The following SNRPA variants were observed in gnomAD, a reference collection of about 807,000 sequenced individuals.
SNRPA encodes U1 small nuclear ribonucleoprotein A.
Under a neutral mutation model 24.5 loss-of-function variants are expected in SNRPA, and 10 were observed. The observed-to-expected ratio is 0.41, with a 90% CI of 0.25 to 0.69. The LOEUF (loss-of-function observed/expected upper bound fraction) is 0.69, where lower values mean the gene tolerates loss of function less well. SNRPA is among the 30% of genes least tolerant of loss of function. The probability of loss-of-function intolerance (pLI) is 0.33; values close to 1 mark genes in which losing one functional copy is unlikely to be tolerated. For missense variants in SNRPA, 283 were observed against 394.7 expected (o/e 0.72, Z 2.40); for synonymous variants, 165 against 148.4 (o/e 1.11, Z -0.81).
Position 40,765,278 on chromosome 19 carries a change from TGTGA to T in SNRPA, c.*119_*122del, listed in dbSNP as rs577261696. On this transcript the variant is annotated 3_prime_UTR_variant, in exon 6 of 6. Transcript: ENST00000243563. ...CCTTGGGGGCCTTCTTGGAGCCGTG[TGTGA>T]GTGAGTGGTCGCCACACAGCATTGT... The T allele has an allele frequency of 7.7e-4, 462 of 601,924 alleles. 2 individuals are homozygous for T. In the African/African-American group the frequency reaches 8.5e-3, roughly 11 times the overall value. 37.3% of individuals were successfully genotyped at this position (601,924 alleles called of 1,614,324 possible). A position where few individuals can be genotyped will look rare whatever the true frequency, so the allele number is the denominator to read the frequency against.
chr19:40,752,216 A>C (rs1295061635), intron 1 of SNRPA, among the ~76,000 whole-genome samples: 2 of 152,046 alleles, frequency 1.3e-5, no homozygotes, highest in Non-Finnish European at 2.9e-5. Context: ...GCATGCCTAT[A>C]ATCCCAGCTA....
chr19:40,756,544 C>G (rs541711876), intron 1 of SNRPA, among the ~76,000 whole-genome samples: 1 of 149,154 alleles, frequency 6.7e-6, no homozygotes, highest in Non-Finnish European at 1.5e-5. Flanking sequence ...TACGGTGAGC[C>G]ATGATCATGC....
intron 1 of SNRPA, among the ~76,000 whole-genome samples, chr19:40,752,015 G>A (rs2082874006): frequency 6.6e-6 from 1 of 152,142 alleles, no homozygotes; most frequent in Admixed American, 6.6e-5. Context: ...GTAGGAAGAA[G>A]GCTATTGTTA....
Position 40,751,492 on chromosome 19 carries a change from G to C in SNRPA, c.73+11G>C, listed in dbSNP as rs751250706. On this transcript the variant is annotated intron_variant, in intron 1 of 5. Coordinates refer to ENST00000243563, the MANE Select transcript of SNRPA (RefSeq NM_004596.5). ...AGATCAAGAAGGATGGTGAGTTCTC[G>C]GGATAGTCCGGAGTCCAGACTGTCC... is the stretch of plus-strand genomic sequence containing the variant. 15 of 1,598,852 alleles carry C rather than the reference G, an allele frequency of 9.4e-6. No homozygotes were observed. The highest frequency in any genetic ancestry group is 1.3e-5 in the Non-Finnish European group (15 of 1,166,524).
chr19:40,761,458 CTTTTTT>C (rs200242370), intron 3 of SNRPA, among the ~76,000 whole-genome samples: 14,050 of 84,588 alleles, frequency 0.17, 297 homozygotes, highest in African/African-American at 0.22. Context: ...TTTTCTTTTT[CTTTTTT>C]TTTTTTTTTT....
rs377608713 is a variant in SNRPA at position 40,759,410 on chromosome 19, G to A, written c.247-21G>A. The A allele has an allele frequency of 1.5e-4, 245 of 1,601,610 alleles. 1 individual carries two copies. Among genetic ancestry groups the A allele is most frequent in the Admixed American group, 2.1e-4 (12 of 57,738 alleles). On this transcript the variant is annotated intron_variant, in intron 2 of 5. Transcript: ENST00000243563. ...GGCTCTGAATCCACGCTCTTAACCC[G>A]TTCTGCTCTCTGTTTGGTAGCGTAT...
rs200661745 is a variant in SNRPA, at chr19:40,763,703, C to T, written c.689+28C>T. On this transcript the variant is annotated intron_variant, in intron 5 of 5. Transcript: ENST00000243563. ...AAGTGGGGCCTGTGGCTGGGTGGTC[C>T]CTGGAGGGTGATGGCCAGGAGGCAT... is the stretch of plus-strand genomic sequence containing the variant. 1.6e-4 allele frequency: 248 copies of T among 1,580,538 alleles called. No individual in the cohort carries two copies. In the African/African-American group the frequency reaches 2.8e-3, roughly 18 times the overall value.
At chr19:40,751,997 A>G (rs772319072) in intron 1 of SNRPA, among the ~76,000 whole-genome samples, 2 of 152,184 alleles carry the variant, frequency 1.3e-5, no homozygotes, top group Non-Finnish European at 2.9e-5. Flanking sequence ...AATTCTCACA[A>G]CAATCTTGTA....
intron 1 of SNRPA, among the ~76,000 whole-genome samples, chr19:40,753,293 C>T (rs901450415): frequency 6.2e-5 from 9 of 144,992 alleles, no homozygotes; most frequent in Admixed American, 2.1e-4. Flanking sequence ...AAGCAGAGGT[C>T]GCAGTGAGCT....
At chr19:40,761,954 C>G (rs1386679244) in intron 3 of SNRPA, among the ~76,000 whole-genome samples, 1 of 152,166 alleles carries the variant, frequency 6.6e-6, no homozygotes, top group African/African-American at 2.4e-5. Context: ...TTTCATGAGT[C>G]TCATGGCTCT....
chr19:40,755,406 C>T (rs2082904972), intron 1 of SNRPA, among the ~76,000 whole-genome samples: 1 of 151,726 alleles, frequency 6.6e-6, no homozygotes, highest in East Asian at 1.9e-4. Flanking sequence ...CATGCCTGGC[C>T]AGTTTTTATG....
chr19:40,763,824 G>A lies in SNRPA; in HGVS notation c.689+149G>A, dbSNP rs2082943411. 4 of 706,398 alleles carry A rather than the reference G, an allele frequency of 5.7e-6. No homozygotes were observed. In the African/African-American group the frequency reaches 7.0e-5, roughly 12 times the overall value. 43.8% of individuals were successfully genotyped at this position (706,398 alleles called of 1,614,324 possible). On this transcript the variant is annotated intron_variant, in intron 5 of 5. Coordinates refer to ENST00000243563, the MANE Select transcript of SNRPA (RefSeq NM_004596.5). ...GCGACCAAAGATGTGAAAGGAGGAG[G>A]CTGTGGCTGGGCCCACGGCCTGTGG...
intron 1 of SNRPA, among the ~76,000 whole-genome samples, chr19:40,752,604 G>T (rs1016691810): frequency 7.9e-6 from 1 of 126,408 alleles, no homozygotes; most frequent in African/African-American, 2.9e-5. Context: ...AAAAAAAAAA[G>T]GCTGGGCGTG....
At position 40,759,554 on chromosome 19, in the gene SNRPA, G is replaced by A. The variant is rs1283008806; in HGVS notation, c.370G>A (p.Ala124Thr). ...CCAGGAGACCCCGGCCACCAAGAAG[G>A]CTGTGCAAGGCGGGGGAGCCACCCC... ...KSQETPATKK[A>T]VQGGGATPVV... The change falls in exon 3 of 6, where the codon GCT becomes ACT. Residue 124 changes from alanine to threonine, a missense_variant. Coordinates refer to ENST00000243563, the MANE Select transcript of SNRPA (RefSeq NM_004596.5). 1 of 1,614,006 alleles carries A rather than the reference G, an allele frequency of 6.2e-7. No homozygotes were observed. The highest frequency in any genetic ancestry group is 1.7e-5 in the Admixed American group (1 of 59,972).
rs2082940538 is a variant in SNRPA, at chr19:40,763,206, G to T, written c.600+132G>T. 4 of 667,812 alleles carry T rather than the reference G, an allele frequency of 6.0e-6. No individual in the cohort carries two copies. The South Asian group carries it at 7.7e-5, about 13-fold the overall frequency. The allele number at this position is 667,812 out of a possible 1,614,324, so 41.4% of individuals were successfully genotyped here. A position where few individuals can be genotyped will look rare whatever the true frequency, so the allele number is the denominator to read the frequency against. Reference sequence around the variant, plus strand: ...CCCTGAGGAGGTGGTACTGAATGAGGAAGTAGCAGTGGGGGTGGGCCCTGG... The same window carrying T: ...CCCTGAGGAGGTGGTACTGAATGAGTAAGTAGCAGTGGGGGTGGGCCCTGG... On this transcript the variant is annotated intron_variant, in intron 4 of 5. Coordinates refer to ENST00000243563, the MANE Select transcript of SNRPA (RefSeq NM_004596.5).
intron 5 of SNRPA, among the ~76,000 whole-genome samples, chr19:40,764,455 T>TA (rs2082946040): frequency 6.6e-6 from 1 of 152,100 alleles, no homozygotes; most frequent in South Asian, 2.1e-4. Context: ...GGATACCTAG[T>TA]AAACATGAGG....
intron 1 of SNRPA, among the ~76,000 whole-genome samples, chr19:40,755,136 G>T (rs1385268444): frequency 6.6e-6 from 1 of 151,626 alleles, no homozygotes; most frequent in African/African-American, 2.4e-5. Context: ...GAGTGCAGTG[G>T]CGCAATCTCT....
At position 40,751,659 on chromosome 19, in the gene SNRPA, C is replaced by A. The variant is rs1156284781; in HGVS notation, c.73+178C>A. ...CTCCATTAGTTCATCTTACACTCTG[C>A]CCTTTAACGTGGTCACTGCTGCTCA... is the stretch of plus-strand genomic sequence containing the variant. On this transcript the variant is annotated intron_variant, in intron 1 of 5. Coordinates refer to ENST00000243563, the MANE Select transcript of SNRPA (RefSeq NM_004596.5). 9.9e-6 allele frequency: 6 copies of A among 604,722 alleles called. No homozygotes were observed. The East Asian group carries it at 1.4e-4, about 14-fold the overall frequency. 37.5% of individuals were successfully genotyped at this position (604,722 alleles called of 1,614,324 possible).
chr19:40,760,113 G>A (rs956050254), intron 3 of SNRPA, among the ~76,000 whole-genome samples: 6 of 152,018 alleles, frequency 3.9e-5, no homozygotes, highest in African/African-American at 7.2e-5. Flanking sequence ...TACAACCTCC[G>A]CCTCCCAGGC....
Sources: gnomAD v4.1 joint callset for allele counts (sites outside exome capture counted in the v4.1 genomes callset) on GRCh38, gnomAD v4.1.1 for gene constraint, MANE v1.5 for transcripts, NCBI Gene and HGNC (gene_info 2026-07-23, HGNC 2026-07-21) for gene names.